NELL1: variants seen among roughly 807,000 people sequenced by gnomAD.
NELL1 encodes the protein protein kinase C-binding protein NELL1.
In NELL1, 76 loss-of-function variants were observed where a neutral mutation model predicts 107.4. The ratio of observed to expected loss-of-function variants is 0.71; its 90% CI spans 0.59 to 0.86. The LOEUF (loss-of-function observed/expected upper bound fraction) is 0.86, where lower values mean the gene tolerates loss of function less well. NELL1 is among the 40% of genes least tolerant of loss of function. NELL1 has a pLI of 0.00. For synonymous variants in NELL1, 353 were observed against 341.2 expected (o/e 1.03, Z -0.38); for missense variants, 1,024 against 1,005.5 (o/e 1.02, Z -0.25).
chr11:21,531,793 T>C (rs1855996283), intron 15 of NELL1, among the ~76,000 whole-genome samples: 1 of 152,148 alleles, frequency 6.6e-6, no homozygotes, highest in Admixed American at 6.6e-5. Flanking sequence ...GAGAAACAAA[T>C]CTTTGCCTCT....
At chr11:20,985,977 A>C in intron 12 of NELL1, among the ~76,000 whole-genome samples, 1 of 152,316 alleles carries the variant, frequency 6.6e-6, no homozygotes, top group Admixed American at 6.5e-5. Flanking sequence ...CTCATTGACC[A>C]GTTTCTGTCT....
chr11:21,062,866 C>T (rs1516753), intron 12 of NELL1, among the ~76,000 whole-genome samples: 53,165 of 151,862 alleles, frequency 0.35, 9,433 homozygotes, highest in East Asian at 0.42. Context: ...CTCACTCTGT[C>T]GCCCAGACTG....
At chr11:21,560,802 A>C (rs1014694484) in intron 17 of NELL1, among the ~76,000 whole-genome samples, 2 of 152,110 alleles carry the variant, frequency 1.3e-5, no homozygotes, top group African/African-American at 4.8e-5. Flanking sequence ...TCATCTAGAA[A>C]AGCAAGGCCA....
rs528544053 is a variant in NELL1 at position 21,540,363 on chromosome 11, G to A, written c.1786+5849G>A. 6.6e-5 allele frequency among the ~76,000 whole-genome samples: 10 copies of A among 152,062 alleles called. No homozygotes were observed. In the South Asian group the frequency reaches 1.5e-3, roughly 22 times the overall value. On this transcript the variant is annotated intron_variant, in intron 16 of 19. Transcript: ENST00000357134. ...CCCAACCTGCACACCCTTCCCAGTC[G>A]CTGGTATTGATCATTTTCCCTACCT...
At chr11:20,724,750 T>A (rs1315469645) in intron 2 of NELL1, among the ~76,000 whole-genome samples, 2 of 152,196 alleles carry the variant, frequency 1.3e-5, no homozygotes, top group Non-Finnish European at 2.9e-5. Context: ...CATTACCCAG[T>A]TCCAAAGTCC....
At chr11:20,822,236 A>C (rs1857771918) in intron 3 of NELL1, among the ~76,000 whole-genome samples, 1 of 152,226 alleles carries the variant, frequency 6.6e-6, no homozygotes, top group South Asian at 2.1e-4. Flanking sequence ...TTGAAGAGGT[A>C]AGCTCAAGGG....
chr11:21,430,532 A>G (rs115680826), intron 15 of NELL1, among the ~76,000 whole-genome samples: 1,783 of 152,256 alleles, frequency 0.012, 41 homozygotes, highest in African/African-American at 0.041. Flanking sequence ...CACTAAGCAA[A>G]CTGGCTTTAG....
At chr11:20,910,648 T>A (rs1302793610) in intron 5 of NELL1, among the ~76,000 whole-genome samples, 1 of 152,198 alleles carries the variant, frequency 6.6e-6, no homozygotes, top group African/African-American at 2.4e-5. Flanking sequence ...CTGCAAATTA[T>A]GTAGCAGGTT....
chr11:21,157,631 C>T (rs1349506042), intron 13 of NELL1, among the ~76,000 whole-genome samples: 2 of 152,086 alleles, frequency 1.3e-5, no homozygotes, highest in Admixed American at 1.3e-4. Flanking sequence ...TTTTGAATTC[C>T]TATTTCTGGC....
At chr11:20,914,741 A>T (rs1165836416) in intron 5 of NELL1, among the ~76,000 whole-genome samples, 1 of 152,048 alleles carries the variant, frequency 6.6e-6, no homozygotes, top group East Asian at 1.9e-4. Context: ...CCTGTAGTAT[A>T]TAGCCTAGGA....
chr11:21,061,567 A>G (rs1853742264), intron 12 of NELL1, among the ~76,000 whole-genome samples: 1 of 152,180 alleles, frequency 6.6e-6, no homozygotes, highest in Non-Finnish European at 1.5e-5. Flanking sequence ...ACCCATCTGA[A>G]AAAGGGATTT....
rs138699690 is a variant in NELL1 at position 21,085,020 on chromosome 11, T to C, written c.1301-28569T>C. Among the ~76,000 whole-genome samples, 18 of 152,312 alleles carry C rather than the reference T, an allele frequency of 1.2e-4. No homozygotes were observed. The East Asian group carries it at 3.3e-3, about 28-fold the overall frequency. On this transcript the variant is annotated intron_variant, in intron 12 of 19. Transcript: ENST00000357134. ...GGGGGTAAGACATACTTATCTTTTATGGTGTAGGAATTAAAGGTGATAATT... is the reference window on the plus strand; with the variant it reads ...GGGGGTAAGACATACTTATCTTTTACGGTGTAGGAATTAAAGGTGATAATT...
chr11:21,330,214 A>G (rs1451392185), intron 14 of NELL1, among the ~76,000 whole-genome samples: 1 of 152,126 alleles, frequency 6.6e-6, no homozygotes, highest in Non-Finnish European at 1.5e-5. Flanking sequence ...ATACAAATGC[A>G]TACACATCAT....
chr11:20,970,052 TGTCCATCC>T (rs1851464862), intron 12 of NELL1, among the ~76,000 whole-genome samples: 1 of 137,744 alleles, frequency 7.3e-6, no homozygotes, highest in Admixed American at 7.7e-5. Flanking sequence ...TCTATCTCTC[TGTCCATCC>T]ATCCATCCAT....
chr11:21,325,567 T>C (rs1051761591), intron 14 of NELL1, among the ~76,000 whole-genome samples: 6 of 150,744 alleles, frequency 4.0e-5, no homozygotes, highest in African/African-American at 7.3e-5. Context: ...TTGATTTTTT[T>C]CCCCATTTCT....
intron 4 of NELL1, among the ~76,000 whole-genome samples, chr11:20,852,425 A>C (rs1848810871): frequency 6.6e-6 from 1 of 152,230 alleles, no homozygotes; most frequent in African/African-American, 2.4e-5. Flanking sequence ...CTAAAATTTC[A>C]GAGTAATTTC....
chr11:20,741,040 T>C (rs965883841), intron 2 of NELL1, among the ~76,000 whole-genome samples: 1 of 152,188 alleles, frequency 6.6e-6, no homozygotes, highest in Non-Finnish European at 1.5e-5. Context: ...TGACATGTTT[T>C]CTGGTTCTGA....
At chr11:21,408,206 C>T (rs1458918637) in intron 15 of NELL1, among the ~76,000 whole-genome samples, 1 of 152,008 alleles carries the variant, frequency 6.6e-6, no homozygotes, top group Non-Finnish European at 1.5e-5. Flanking sequence ...TTGGAGTTAC[C>T]ATGCAAAATG....
chr11:21,384,585 A>G (rs974758250), intron 15 of NELL1, among the ~76,000 whole-genome samples: 2 of 151,874 alleles, frequency 1.3e-5, no homozygotes, highest in Non-Finnish European at 2.9e-5. Flanking sequence ...TCCCAGTGCT[A>G]TCCCTCCCGC....
Sources: allele counts gnomAD v4.1 joint callset (sites outside exome capture counted in the v4.1 genomes callset), GRCh38; gene constraint gnomAD v4.1.1; transcripts MANE v1.5; gene names NCBI Gene and HGNC (gene_info 2026-07-23, HGNC 2026-07-21).